VWA3A: variants seen among roughly 807,000 people sequenced by gnomAD.
VWA3A encodes von Willebrand factor A domain-containing protein 3A.
A neutral mutation model predicts 160.4 loss-of-function variants in VWA3A; 134 were observed. The observed-to-expected ratio is 0.84, with a 90% confidence interval of 0.73 to 0.96. VWA3A has a LOEUF of 0.96. VWA3A is among the 40% of genes least tolerant of loss of function. The pLI is 0.00. For synonymous variants in VWA3A, 476 were observed against 543.4 expected (o/e 0.88, Z 1.72); for missense variants, 1,310 against 1,447.9 (o/e 0.90, Z 1.55).
intron 8 of VWA3A, among the ~76,000 whole-genome samples, chr16:22,113,358 A>ATTTTTTTTTT (rs1598056932): frequency 2.9e-5 from 1 of 35,002 alleles, no homozygotes; most frequent in African/African-American, 7.7e-5. Context: ...TGCCTGGCTA[A>ATTTTTTTTTT]TTTTCTTTTT....
In VWA3A at chr16:22,110,873, C is replaced by T. The variant is rs1485325480; in HGVS notation, c.583-15C>T. ...CCCTGGCTGTGGGAGCCAGTGATGTCCTTTTGTCCAACAGAGCCTCATCGA... is the reference window on the plus strand; with the variant it reads ...CCCTGGCTGTGGGAGCCAGTGATGTTCTTTTGTCCAACAGAGCCTCATCGA... On this transcript the variant is annotated splice_polypyrimidine_tract_variant and intron_variant, in intron 7 of 33. Coordinates refer to ENST00000389398, the MANE Select transcript of VWA3A (RefSeq NM_173615.5). 7.5e-6 allele frequency: 12 copies of T among 1,593,334 alleles called. No homozygotes were observed. The highest frequency in any genetic ancestry group is 1.0e-5 in the Non-Finnish European group (12 of 1,170,498).
intron 2 of VWA3A, 114 bp from the exon 3 acceptor site, chr16:22,097,458 C>T: frequency 3.6e-6 from 5 of 1,371,608 alleles, no homozygotes; most frequent in Non-Finnish European, 4.8e-6. Flanking sequence ...AGTTACTGCA[C>T]AGAAAAATGT....
intron 29 of VWA3A, 141 bp from the exon 30 acceptor site, chr16:22,150,554 C>G: frequency 1.0e-6 from 1 of 1,002,470 alleles, no homozygotes; most frequent in African/African-American, 1.6e-5. Context: ...AAGAGAATCT[C>G]AGTCTTTTTG....
At chr16:22,115,943 A>AAAGGAAG (rs1286108350) in intron 9 of VWA3A, among the ~76,000 whole-genome samples, 3 of 27,876 alleles carry the variant, frequency 1.1e-4, no homozygotes, top group Non-Finnish European at 1.7e-4. Flanking sequence ...AAAGGAAGGG[A>AAAGGAAG]GGAGGGGGTG....
chr16:22,104,975 C>A (rs1452369258), intron 6 of VWA3A, among the ~76,000 whole-genome samples: 1 of 152,112 alleles, frequency 6.6e-6, no homozygotes, highest in Non-Finnish European at 1.5e-5. Flanking sequence ...CACCTCTACC[C>A]AAGACTAGTG....
intron 30 of VWA3A, 89 bp from the exon 31 acceptor site, chr16:22,152,422 C>T (rs1013547341): frequency 1.4e-5 from 21 of 1,514,956 alleles, no homozygotes; most frequent in Middle Eastern, 2.4e-4. Flanking sequence ...TTAAGCCCCA[C>T]GGACTTAAGT....
chr16:22,109,466 C>A lies in VWA3A; in HGVS notation c.484-16C>A, dbSNP rs771455371. 6.4e-7 allele frequency: 1 copy of A among 1,571,658 alleles called. No homozygotes were observed. The highest frequency in any genetic ancestry group is 8.6e-7 in the Non-Finnish European group (1 of 1,158,110). ...GACTTGCACTGGCTGTTTCCAAATG[C>A]CCTCTTTGGTTTTAGGCATTTGGCC... On this transcript the variant is annotated splice_polypyrimidine_tract_variant and intron_variant, in intron 6 of 33. Coordinates refer to ENST00000389398, the MANE Select transcript of VWA3A (RefSeq NM_173615.5).
intron 17 of VWA3A, among the ~76,000 whole-genome samples, chr16:22,129,565 G>A (rs554451995): frequency 2.0e-5 from 3 of 152,150 alleles, no homozygotes; most frequent in South Asian, 2.1e-4. Context: ...TAAACATCCC[G>A]AGTCTGAGAC....
intron 2 of VWA3A, 61 bp from the exon 3 acceptor site, chr16:22,097,511 T>TG: frequency 6.5e-7 from 1 of 1,540,652 alleles, no homozygotes. Context: ...GAGGAGGCAC[T>TG]GGGGGTATCA....
At chr16:22,118,456 C>T (rs1374786917) in intron 11 of VWA3A, among the ~76,000 whole-genome samples, 8 of 152,080 alleles carry the variant, frequency 5.3e-5, no homozygotes, top group African/African-American at 1.4e-4. Flanking sequence ...GAGGCCGAGG[C>T]GGGCAGATCA....
At chr16:22,092,846 C>A (rs1405497165) in intron 1 of VWA3A, among the ~76,000 whole-genome samples, 195 bp downstream of exon 1, 1 of 151,978 alleles carries the variant, frequency 6.6e-6, no homozygotes, top group East Asian at 1.9e-4. Flanking sequence ...AGGAGACAGG[C>A]CATGACAACT....
At chr16:22,154,570 C>G (rs2142039519) in intron 31 of VWA3A, among the ~76,000 whole-genome samples, 1 of 151,902 alleles carries the variant, frequency 6.6e-6, no homozygotes, top group South Asian at 2.1e-4. Context: ...TTCAAGTGAT[C>G]CACCCGCCTC....
rs145635355 is a variant in VWA3A at position 22,103,276 on chromosome 16, C to T, written c.429-199C>T. Among the ~76,000 whole-genome samples the T allele has an allele frequency of 1.1e-4, 17 of 152,220 alleles. No homozygotes were observed. In the East Asian group the frequency reaches 3.3e-3, roughly 29 times the overall value. On this transcript the variant is annotated intron_variant, in intron 5 of 33. Transcript: ENST00000389398. The stretch of plus-strand genomic sequence containing the variant: ...CTTGAACTCCTGGCCTCAAGTGATC[C>T]TCCCACGTCAGGCTCCTGAGTAGCC...
chr16:22,095,514 A>G (rs926083037), intron 1 of VWA3A, among the ~76,000 whole-genome samples: 4 of 152,170 alleles, frequency 2.6e-5, no homozygotes, highest in African/African-American at 9.7e-5. Context: ...ATCAGTTTTA[A>G]GCAGGAGGGA....
At chr16:22,103,937 G>A (rs1362212335) in intron 6 of VWA3A, among the ~76,000 whole-genome samples, 2 of 152,180 alleles carry the variant, frequency 1.3e-5, no homozygotes, top group Admixed American at 1.3e-4. Context: ...CCTGGAACTA[G>A]TGCTGACTTC....
At chr16:22,141,227 A>G (rs1256639731) in intron 23 of VWA3A, 1 of 492,090 alleles carries the variant, frequency 2.0e-6, no homozygotes, top group Non-Finnish European at 4.0e-6. Context: ...CTCAGAGCAG[A>G]GTTCTGGAGT....
intron 22 of VWA3A, among the ~76,000 whole-genome samples, chr16:22,138,721 C>T (rs2046090217): frequency 6.6e-6 from 1 of 152,030 alleles, no homozygotes; most frequent in Non-Finnish European, 1.5e-5. Flanking sequence ...TCTGTCCTCC[C>T]CCAACCCACC....
At chr16:22,122,948 G>A (rs972631242) in intron 14 of VWA3A, 137 bp from the exon 15 acceptor site, 4 of 671,438 alleles carry the variant, frequency 6.0e-6, no homozygotes, top group Non-Finnish European at 1.1e-5. Context: ...GGAGATGTGG[G>A]AGGGAGTTCG....
intron 22 of VWA3A, 46 bp downstream of exon 22, chr16:22,138,558 T>G: frequency 6.2e-7 from 1 of 1,610,072 alleles, no homozygotes; most frequent in Non-Finnish European, 8.5e-7. Context: ...GGTTTCCTGT[T>G]TGTCTTCTGG....
Sources: gnomAD v4.1 joint callset for allele counts (sites outside exome capture counted in the v4.1 genomes callset) on GRCh38, gnomAD v4.1.1 for gene constraint, MANE v1.5 for transcripts, NCBI Gene and HGNC (gene_info 2026-07-23, HGNC 2026-07-21) for gene names.